HOMER2: variants seen among roughly 807,000 people sequenced by gnomAD.
HOMER2 encodes the protein homer protein homolog 2.
In HOMER2, 27 loss-of-function variants were observed where a neutral mutation model predicts 47.0. That is an observed-to-expected ratio of 0.57 (90% CI 0.42 to 0.79). HOMER2 has a LOEUF of 0.79. Ranked by LOEUF, HOMER2 falls within the 30% of genes least tolerant of loss-of-function variation. HOMER2 has a pLI of 0.00. For synonymous variants in HOMER2, 161 were observed against 163.8 expected (o/e 0.98, Z 0.13); for missense variants, 443 against 435.0 (o/e 1.02, Z -0.16).
chr15:82,952,868 G>A, upstream of HOMER2: 1 of 252,896 alleles, frequency 4.0e-6, no homozygotes, highest in Non-Finnish European at 6.2e-6. Flanking sequence ...TGTGTGCACC[G>A]TCCCCCGCGC....
downstream of HOMER2, chr15:82,844,664 A>G (rs2051215211): frequency 2.0e-5 from 3 of 152,206 alleles, no homozygotes; most frequent in South Asian, 6.2e-4. Flanking sequence ...CTTTAAAAAA[A>G]GTATTATATT....
At chr15:82,919,248 A>T (rs1413467830) in intron 1 of HOMER2, among the ~76,000 whole-genome samples, 1 of 152,228 alleles carries the variant, frequency 6.6e-6, no homozygotes, top group Admixed American at 6.5e-5. Flanking sequence ...TCCCATTTAT[A>T]CCAGACATGT....
chr15:82,893,329 CTTTT>C (rs771392216), intron 1 of HOMER2, among the ~76,000 whole-genome samples: 3 of 118,928 alleles, frequency 2.5e-5, no homozygotes, highest in East Asian at 2.4e-4. Context: ...ATAATTTTAT[CTTTT>C]TTTTTTTTTT....
intron 2 of HOMER2, among the ~76,000 whole-genome samples, chr15:82,881,996 A>G (rs2052536184): frequency 2.0e-5 from 3 of 152,158 alleles, no homozygotes; most frequent in Non-Finnish European, 4.4e-5. Flanking sequence ...CAACAGCACA[A>G]TGAAATCAAG....
intron 1 of HOMER2, among the ~76,000 whole-genome samples, chr15:82,902,354 C>T (rs943297910): frequency 1.3e-5 from 2 of 152,050 alleles, no homozygotes; most frequent in Admixed American, 6.6e-5. Flanking sequence ...CCTGCCACCA[C>T]GCCCGGCTAA....
exon 2 of HOMER2, chr15:82,840,516 T>C (rs574468189): frequency 2.8e-4 from 42 of 152,260 alleles, no homozygotes; most frequent in Admixed American, 8.5e-4. Context: ...GTCCCAGGCA[T>C]GCTCACGGCT....
Position 82,849,915 on chromosome 15 carries a change from A to C in HOMER2, c.844-12T>G, listed in dbSNP as rs1377460070. 11 of 1,612,892 alleles carry C rather than the reference A, an allele frequency of 6.8e-6. No homozygotes were observed. The highest frequency in any genetic ancestry group is 4.0e-5 in the African/African-American group (3 of 75,004). On this transcript the variant is annotated splice_polypyrimidine_tract_variant and intron_variant, in intron 8 of 8. Transcript: ENST00000450735. ...TCTCTCTCTGCCGCCTGGCCAAGCA[A>C]AAGGGAGAAGGGTCTAGAAAACTGA... is the stretch of plus-strand genomic sequence containing the variant.
At chr15:82,915,083 G>A (rs1043071980) in intron 1 of HOMER2, among the ~76,000 whole-genome samples, 1 of 151,722 alleles carries the variant, frequency 6.6e-6, no homozygotes, top group African/African-American at 2.4e-5. Context: ...TGAGGCAGGA[G>A]GATCACTTGA....
At chr15:82,852,028 G>C in intron 7 of HOMER2, 114 bp downstream of exon 7, 2 of 675,870 alleles carry the variant, frequency 3.0e-6, no homozygotes, top group South Asian at 3.7e-5. Context: ...CTCTCTCCGT[G>C]CTGCTATCCA....
intron 2 of HOMER2, among the ~76,000 whole-genome samples, chr15:82,879,863 T>C (rs2052466825): frequency 6.6e-6 from 1 of 152,178 alleles, no homozygotes; most frequent in South Asian, 2.1e-4. Flanking sequence ...CAATGTCCAC[T>C]ACCAACAGAA....
chr15:82,949,127 T>A (rs1296445707), intron 1 of HOMER2, among the ~76,000 whole-genome samples: 2 of 152,098 alleles, frequency 1.3e-5, no homozygotes, highest in African/African-American at 4.8e-5. Context: ...CTGACTTGGA[T>A]GGGGAAGACG....
intron 1 of HOMER2, among the ~76,000 whole-genome samples, chr15:82,915,506 G>A (rs1325996087): frequency 6.6e-6 from 1 of 152,020 alleles, no homozygotes; most frequent in East Asian, 1.9e-4. Flanking sequence ...CCTAGGAGTT[G>A]AAGACCAAGG....
intron 1 of HOMER2, 116 bp downstream of exon 1, chr15:82,952,394 CGCAGAGTGTGCGCTCGCTCCG>C: frequency 1.8e-6 from 1 of 560,186 alleles, no homozygotes; most frequent in Non-Finnish European, 2.5e-6. Context: ...GACTCCCGGG[CGCAGAGTGTGCGCTCGCTCCG>C]GCTTGGGGAG....
Position 82,982,812 on chromosome 15 carries a change from A to G in HOMER2, n.82+2975T>C, listed in dbSNP as rs188783153. On this transcript the variant is annotated intron_variant and non_coding_transcript_variant, in intron 1 of 1. Coordinates refer to the HOMER2 transcript ENST00000500334. ...GATTCCCGATACTAGGTGAGGAAGC[A>G]TTTTTCTTAGTTTTTCAATTGTCAC... Among the ~76,000 whole-genome samples, 6 of 152,180 alleles carry G rather than the reference A, an allele frequency of 3.9e-5. No individual in the cohort carries two copies. The East Asian group carries it at 1.2e-3, about 29-fold the overall frequency.
chr15:82,961,753 C>T (rs981404727), intron 1 of HOMER2, among the ~76,000 whole-genome samples: 1 of 152,230 alleles, frequency 6.6e-6, no homozygotes, highest in Non-Finnish European at 1.5e-5. Flanking sequence ...AGAACTTCTC[C>T]ATTATCCCAA....
intron 1 of HOMER2, among the ~76,000 whole-genome samples, chr15:82,900,759 G>C (rs1251316104): frequency 6.6e-6 from 1 of 152,162 alleles, no homozygotes; most frequent in Non-Finnish European, 1.5e-5. Flanking sequence ...CTGGACCTTA[G>C]CCAGATGTCT....
intron 3 of HOMER2, among the ~76,000 whole-genome samples, chr15:82,864,766 C>T (rs2051911350): frequency 6.6e-6 from 1 of 152,180 alleles, no homozygotes; most frequent in Non-Finnish European, 1.5e-5. Context: ...CTATGCCCTC[C>T]ACTTTTTATT....
At chr15:82,914,760 T>A (rs2053539960) in intron 1 of HOMER2, among the ~76,000 whole-genome samples, 1 of 152,210 alleles carries the variant, frequency 6.6e-6, no homozygotes. Context: ...GAGCAACTCC[T>A]GGTGAGGTCG....
At chr15:82,875,153 A>C (rs2052306186) in intron 3 of HOMER2, 120 bp downstream of exon 3, 1 of 1,166,860 alleles carries the variant, frequency 8.6e-7, no homozygotes, top group Admixed American at 2.3e-5. Context: ...TGCCAGGAGG[A>C]GTGAAACCAA....
Sources: gnomAD v4.1 joint callset for allele counts (sites outside exome capture counted in the v4.1 genomes callset) on GRCh38, gnomAD v4.1.1 for gene constraint, MANE v1.5 for transcripts, NCBI Gene and HGNC (gene_info 2026-07-23, HGNC 2026-07-21) for gene names.